PRDM11: variants seen among roughly 807,000 people sequenced by gnomAD.
PRDM11 encodes PR/SET domain 11.
PRDM11 carries 20 observed loss-of-function variants against 97.8 expected under a neutral mutation model. The observed-to-expected ratio is 0.20, with a 90% CI of 0.14 to 0.30. The LOEUF is 0.30. Ranked by LOEUF, PRDM11 falls within the 10% of genes least tolerant of loss-of-function variation. The pLI is 1.00. For missense variants in PRDM11, 1,139 were observed against 1,555.2 expected (o/e 0.73, Z 4.50); for synonymous variants, 599 against 637.7 (o/e 0.94, Z 0.91).
intron 4 of PRDM11, among the ~76,000 whole-genome samples, 183 bp from the exon 5 acceptor site, chr11:45,204,528 T>C (rs1341975883): frequency 6.6e-6 from 1 of 151,646 alleles, no homozygotes; most frequent in Non-Finnish European, 1.5e-5. Flanking sequence ...TGGGAATGGG[T>C]GGAGGGCAGG....
chr11:45,180,397 T>G (rs1202403534), intron 1 of PRDM11, among the ~76,000 whole-genome samples: 1 of 151,954 alleles, frequency 6.6e-6, no homozygotes, highest in Non-Finnish European at 1.5e-5. Flanking sequence ...CCAAGGCAGC[T>G]CGGAGGCTGG....
rs1554963215 is a variant in PRDM11 at position 45,101,567 on chromosome 11, A to AAGAAGAAG, written c.96+5667_96+5668insGAAGAAGA. ...CAACACTCTGTCTCAAAAAAAAAAAAAAGAAGAAGAAGAAGAAGAAGAAGA... is the reference window on the plus strand; with the variant it reads ...CAACACTCTGTCTCAAAAAAAAAAAAAGAAGAAGAAGAAGAAGAAGAAGAAGAAGAAGA... On this transcript the variant is annotated intron_variant, in intron 1 of 6. Transcript: ENST00000530656. 1.5e-3 allele frequency among the ~76,000 whole-genome samples: 144 copies of AAGAAGAAG among 96,864 alleles called. 14 individuals are homozygous for AAGAAGAAG. Among genetic ancestry groups the AAGAAGAAG allele is most frequent in the African/African-American group, 6.9e-3 (141 of 20,550 alleles). 63.5% of individuals were successfully genotyped at this position (96,864 alleles called of 152,430 possible). A position where few individuals can be genotyped will look rare whatever the true frequency, so the allele number is the denominator to read the frequency against.
intron 1 of PRDM11, among the ~76,000 whole-genome samples, chr11:45,171,421 T>A (rs561093172): frequency 2.0e-5 from 3 of 152,238 alleles, no homozygotes; most frequent in Admixed American, 2.0e-4. Context: ...TTTTTTAAAG[T>A]TCCCCAGTGC....
intron 1 of PRDM11, among the ~76,000 whole-genome samples, chr11:45,116,303 A>G (rs1852301379): frequency 6.6e-6 from 1 of 152,244 alleles, no homozygotes; most frequent in Non-Finnish European, 1.5e-5. Context: ...ATTTAACACC[A>G]TTTATAGAAC....
intron 5 of PRDM11, 107 bp downstream of exon 5, chr11:45,204,885 G>A (rs1853452569): frequency 1.7e-6 from 2 of 1,205,368 alleles, no homozygotes; most frequent in African/African-American, 3.0e-5. Flanking sequence ...ACTTCTGGAG[G>A]CTGCCGTTTG....
intron 4 of PRDM11, among the ~76,000 whole-genome samples, chr11:45,203,936 G>A (rs147230879): frequency 6.6e-6 from 1 of 152,200 alleles, no homozygotes; most frequent in Non-Finnish European, 1.5e-5. Flanking sequence ...TCATCAAGTA[G>A]TAAGGAGAAT....
At chr11:45,216,271 T>G (rs887545432) in intron 5 of PRDM11, 3 of 152,238 alleles carry the variant, frequency 2.0e-5, no homozygotes, top group Non-Finnish European at 4.4e-5. Context: ...CCAGGCATTC[T>G]CTGTGCCTTC....
At chr11:45,199,106 G>T (rs895143160) in intron 4 of PRDM11, among the ~76,000 whole-genome samples, 2 of 152,196 alleles carry the variant, frequency 1.3e-5, no homozygotes, top group Non-Finnish European at 2.9e-5. Context: ...AAAATAGCAT[G>T]TGGATCCACC....
intron 5 of PRDM11, among the ~76,000 whole-genome samples, chr11:45,214,891 T>C (rs1366460813): frequency 2.0e-5 from 3 of 152,152 alleles, no homozygotes; most frequent in Non-Finnish European, 4.4e-5. Flanking sequence ...CCTGATTCTA[T>C]AAACTGCCAG....
chr11:45,152,038 T>C (rs2135685977), intron 1 of PRDM11, among the ~76,000 whole-genome samples: 1 of 152,296 alleles, frequency 6.6e-6, no homozygotes, highest in African/African-American at 2.4e-5. Context: ...CCAGGACTTC[T>C]GCTCAAATAC....
At chr11:45,208,368 G>A (rs1853590422) in intron 5 of PRDM11, among the ~76,000 whole-genome samples, 1 of 152,106 alleles carries the variant, frequency 6.6e-6, no homozygotes, top group South Asian at 2.1e-4. Flanking sequence ...AGTTTCCCTG[G>A]TTACGTATTC....
At chr11:45,180,483 G>C (rs1185334824) in intron 1 of PRDM11, among the ~76,000 whole-genome samples, 1 of 151,804 alleles carries the variant, frequency 6.6e-6, no homozygotes, top group African/African-American at 2.4e-5. Flanking sequence ...CGGGCCCCGT[G>C]GGAGGCCCTG....
At chr11:45,147,494 G>A (rs972218081) in intron 1 of PRDM11, 1 of 152,274 alleles carries the variant, frequency 6.6e-6, no homozygotes, top group Non-Finnish European at 1.5e-5. Context: ...GGCATTTCTG[G>A]AATGCGTTTT....
intron 6 of PRDM11, among the ~76,000 whole-genome samples, chr11:45,223,789 C>G (rs570184181): frequency 2.0e-5 from 3 of 152,256 alleles, no homozygotes; most frequent in African/African-American, 7.2e-5. Context: ...GTCGAAGCAG[C>G]CATCTTGTCA....
At chr11:45,180,945 G>A (rs1852472544) in intron 1 of PRDM11, among the ~76,000 whole-genome samples, 1 of 152,146 alleles carries the variant, frequency 6.6e-6, no homozygotes, top group African/African-American at 2.4e-5. Context: ...CCGGCTTTGG[G>A]GCCCCGGTGG....
rs1026720260 is a variant in PRDM11 at position 45,227,649 on chromosome 11, T to C, written c.3024T>C (p.Asp1008=). The change falls in exon 8 of 8, where the codon GAT becomes GAC. Residue 1008 remains aspartate, a synonymous_variant. Coordinates refer to ENST00000683152, the MANE Select transcript of PRDM11 (RefSeq NM_001384648.1). The surrounding 1 kb of genome is among the most constrained non-coding windows in gnomAD (Gnocchi z 8.0). ...SEELMSYGKE[D]MVQIFDHLEA... ...AGCTGATGAGCTATGGCAAGGAGGA[T>C]ATGGTGCAAATATTTGATCACCTGG... 1.3e-6 allele frequency: 2 copies of C among 1,533,698 alleles called. No homozygotes were observed. The highest frequency in any genetic ancestry group is 2.7e-5 in the African/African-American group (2 of 72,902).
At chr11:45,169,022 C>A (rs1852137037) in intron 1 of PRDM11, among the ~76,000 whole-genome samples, 1 of 152,184 alleles carries the variant, frequency 6.6e-6, no homozygotes, top group South Asian at 2.1e-4. Context: ...GGCCCTCTTC[C>A]ACAGGTACAG....
chr11:45,116,503 C>G lies in PRDM11; in HGVS notation c.96+20602C>G, dbSNP rs372766827. On this transcript the variant is annotated intron_variant, in intron 1 of 6. Transcript: ENST00000530656. ...ATGACAATAAGGTATCTAGAAAATCCTCAGATAATTAGATATTAACATATC... is the reference window on the plus strand; with the variant it reads ...ATGACAATAAGGTATCTAGAAAATCGTCAGATAATTAGATATTAACATATC... Among the ~76,000 whole-genome samples the G allele has an allele frequency of 3.9e-5, 6 of 152,178 alleles. No homozygotes were observed. The South Asian group carries it at 8.3e-4, about 21-fold the overall frequency.
intron 1 of PRDM11, among the ~76,000 whole-genome samples, chr11:45,177,137 T>C (rs10742746): frequency 0.69 from 104,563 of 152,152 alleles, 39,262 homozygotes; most frequent in Non-Finnish European, 0.85. Context: ...GATCCCCAGT[T>C]CCCTGGCTAC....
Sources: gnomAD v4.1 joint callset for allele counts (sites outside exome capture counted in the v4.1 genomes callset) on GRCh38, gnomAD v4.1.1 for gene constraint, Gnocchi (gnomAD v3.1) non-coding constraint, MANE v1.5 for transcripts, NCBI Gene and HGNC (gene_info 2026-07-23, HGNC 2026-07-21) for gene names.